Variants in SCN1A observed in about 807,000 individuals in gnomAD.
SCN1A encodes sodium channel protein type 1 subunit alpha.
SCN1A carries 13 observed loss-of-function variants against 193.7 expected under a neutral mutation model. That is an observed-to-expected ratio of 0.07 (90% CI 0.04 to 0.11). The LOEUF (loss-of-function observed/expected upper bound fraction) is 0.11, where lower values mean the gene tolerates loss of function less well. Ranked by LOEUF, SCN1A falls within the 10% of genes least tolerant of loss-of-function variation. The pLI is 1.00. For synonymous variants in SCN1A, 781 were observed against 843.6 expected (o/e 0.93, Z 1.29); for missense variants, 1,432 against 2,451.1 (o/e 0.58, Z 8.78).
At chr2:166,117,926 G>A (rs530243960) in intron 2 of SCN1A, among the ~76,000 whole-genome samples, 160 of 151,252 alleles carry the variant, frequency 1.1e-3, no homozygotes, top group Middle Eastern at 3.4e-3. Context: ...TCCTGCCATT[G>A]CACTCCAGCC....
At chr2:166,016,270 T>C (rs1693280132) in intron 19 of SCN1A, 1 of 155,028 alleles carries the variant, frequency 6.5e-6, no homozygotes, top group Non-Finnish European at 1.4e-5. Context: ...AGAGAAATTG[T>C]TATAAAATAT....
intron 4 of SCN1A, among the ~76,000 whole-genome samples, chr2:166,064,304 G>A (rs57074029): frequency 0.057 from 8,663 of 152,090 alleles, 788 homozygotes; most frequent in African/African-American, 0.2. Context: ...CAATTTAGCT[G>A]GTCAGATTTT....
chr2:166,057,352 TA>T (rs1244309846), intron 5 of SCN1A, among the ~76,000 whole-genome samples: 13 of 152,036 alleles, frequency 8.6e-5, no homozygotes, highest in African/African-American at 3.1e-4. Context: ...AACAGAATTA[TA>T]AAACTGAAAG....
chr2:166,033,931 G>T (rs1695980621), intron 19 of SCN1A, among the ~76,000 whole-genome samples: 1 of 151,582 alleles, frequency 6.6e-6, no homozygotes, highest in Non-Finnish European at 1.5e-5. Context: ...AGCTAGACTA[G>T]GCTATTACTA....
At chr2:166,081,771 C>T (rs1294516947) in intron 2 of SCN1A, 1 of 151,984 alleles carries the variant, frequency 6.6e-6, no homozygotes, top group East Asian at 1.9e-4. Flanking sequence ...ACTCCCCCGT[C>T]TCTCCCTACA....
chr2:166,017,564 A>G (rs1693470359), intron 19 of SCN1A, among the ~76,000 whole-genome samples: 1 of 152,018 alleles, frequency 6.6e-6, no homozygotes, highest in South Asian at 2.1e-4. Context: ...TTTAAAAATG[A>G]CCTTGATTGG....
Position 165,998,112 on chromosome 2 carries a change from T to C in SCN1A, c.4402A>G (p.Ile1468Val). 1 of 1,605,900 alleles carries C rather than the reference T, an allele frequency of 6.2e-7. No homozygotes were observed. Among genetic ancestry groups the C allele is most frequent in the Non-Finnish European group, 8.5e-7 (1 of 1,174,290 alleles). Residue 1468 changes from isoleucine to valine, a missense_variant, in exon 26 of 29, where the codon ATC becomes GTC. By Grantham distance (29) the Ile-to-Val change is conservative (BLOSUM62 3). Around this residue, in one of 18 missense-constraint regions of SCN1A, gnomAD observed 23 missense variants for 56.4 expected, o/e 0.41. Transcript: ENST00000674923. Reference sequence around the variant, plus strand: ...TTCAAGGTGAAGAAGGACCCAAAGATGATGAAAATAACAAAGTAAAGATAC... The same window carrying C: ...TTCAAGGTGAAGAAGGACCCAAAGACGATGAAAATAACAAAGTAAAGATAC... ...YMYLYFVIFI[I>V]FGSFFTLNLF...
At chr2:166,084,101 T>A (rs965361262) in intron 2 of SCN1A, among the ~76,000 whole-genome samples, 1 of 152,134 alleles carries the variant, frequency 6.6e-6, no homozygotes, top group Non-Finnish European at 1.5e-5. Flanking sequence ...AAGTTGTATA[T>A]GGCAGGTTTT....
At chr2:166,084,856 A>G (rs1685933223) in intron 2 of SCN1A, among the ~76,000 whole-genome samples, 1 of 152,102 alleles carries the variant, frequency 6.6e-6, no homozygotes, top group Non-Finnish European at 1.5e-5. Flanking sequence ...GAAGTGGCCA[A>G]CCTGGAAATT....
chr2:166,141,197 T>C (rs1692066235), intron 1 of SCN1A, among the ~76,000 whole-genome samples: 1 of 152,086 alleles, frequency 6.6e-6, no homozygotes, highest in Non-Finnish European at 1.5e-5. Flanking sequence ...CCCAATCTAC[T>C]CTTCTAAGTC....
chr2:166,080,968 A>C (rs1331654089), intron 2 of SCN1A, among the ~76,000 whole-genome samples: 1 of 151,886 alleles, frequency 6.6e-6, no homozygotes, highest in South Asian at 2.1e-4. Context: ...CATTTCTAAG[A>C]CTTTACTAAT....
intron 3 of SCN1A, 109 bp from the exon 4 acceptor site, chr2:166,073,779 T>C: frequency 1.2e-6 from 1 of 865,494 alleles, no homozygotes; most frequent in Non-Finnish European, 1.7e-6. Flanking sequence ...TGTTTTCTCC[T>C]TAAATTGAAA....
intron 19 of SCN1A, among the ~76,000 whole-genome samples, chr2:166,022,916 T>C (rs1477324802): frequency 6.6e-6 from 1 of 151,952 alleles, no homozygotes; most frequent in Non-Finnish European, 1.5e-5. Context: ...CTGAGAGGAG[T>C]TGGAATTGAA....
chr2:166,129,741 A>G (rs1281652975), upstream of SCN1A, among the ~76,000 whole-genome samples: 1 of 152,226 alleles, frequency 6.6e-6, no homozygotes, highest in African/African-American at 2.4e-5. Flanking sequence ...ATGTAAAAAC[A>G]CAAAATAAGA....
intron 2 of SCN1A, among the ~76,000 whole-genome samples, chr2:166,114,864 A>T (rs1418371044): frequency 6.6e-6 from 1 of 152,162 alleles, no homozygotes; most frequent in African/African-American, 2.4e-5. Flanking sequence ...ACAGGAAGAG[A>T]AATGGTTTAG....
intron 1 of SCN1A, among the ~76,000 whole-genome samples, chr2:166,139,798 C>A (rs2187012): frequency 0.34 from 51,585 of 151,864 alleles, 9,004 homozygotes; most frequent in South Asian, 0.42. Flanking sequence ...ACTGCTCCCA[C>A]GATTCAGTTA....
At chr2:165,995,650 C>T (rs888941361) in intron 27 of SCN1A, among the ~76,000 whole-genome samples, 1 of 151,748 alleles carries the variant, frequency 6.6e-6, no homozygotes, top group Non-Finnish European at 1.5e-5. Context: ...ACAGCCCCAT[C>T]CCAAGGTTTA....
At chr2:166,143,431 G>T (rs930900059) in intron 1 of SCN1A, among the ~76,000 whole-genome samples, 2 of 152,050 alleles carry the variant, frequency 1.3e-5, no homozygotes, top group Non-Finnish European at 1.5e-5. Flanking sequence ...CTCCCAAAGT[G>T]CTGGGATTAC....
intron 23 of SCN1A, among the ~76,000 whole-genome samples, chr2:166,008,604 C>T (rs916960037): frequency 1.3e-5 from 2 of 150,854 alleles, no homozygotes; most frequent in Non-Finnish European, 3.0e-5. Context: ...TCTGAGTTGT[C>T]GATAATGAGG....
Sources: gnomAD v4.1 joint callset for allele counts (sites outside exome capture counted in the v4.1 genomes callset) on GRCh38, gnomAD v4.1.1 for gene constraint, gnomAD v4.1.1 regional missense constraint, MANE v1.5 for transcripts, NCBI Gene and HGNC (gene_info 2026-07-23, HGNC 2026-07-21) for gene names.